CPD: variants seen among roughly 807,000 people sequenced by gnomAD.
CPD encodes the protein carboxypeptidase D, also known as metallocarboxypeptidase D.
A neutral mutation model predicts 138.3 loss-of-function variants in CPD; 69 were observed. The observed-to-expected ratio is 0.50, with a 90% CI of 0.41 to 0.61. CPD has a LOEUF of 0.61. Among genes scored for constraint, CPD ranks in the 20% least tolerant of loss-of-function variants. CPD has a pLI of 0.00. For missense variants in CPD, 1,432 were observed against 1,733.3 expected (o/e 0.83, Z 3.09); for synonymous variants, 651 against 642.1 (o/e 1.01, Z -0.21).
rs760976179 is a variant in CPD, at chr17:30,464,573, G to A, written c.3917-15G>A. 1 of 1,608,502 alleles carries A rather than the reference G, an allele frequency of 6.2e-7. No individual in the cohort carries two copies. The highest frequency in any genetic ancestry group is 1.1e-5 in the South Asian group (1 of 90,950). ...AAAGTATAATATCACCCACATGATG[G>A]TTTTTGTTTGTCAGGTGCTACTATG... is the stretch of plus-strand genomic sequence containing the variant. On this transcript the variant is annotated splice_polypyrimidine_tract_variant and intron_variant, in intron 20 of 20. Transcript: ENST00000225719.
chr17:30,446,379 A>G (rs866310613), intron 12 of CPD, among the ~76,000 whole-genome samples: 9 of 151,868 alleles, frequency 5.9e-5, no homozygotes, highest in African/African-American at 1.9e-4. Flanking sequence ...CCTGTGTCCA[A>G]GTGTTCTCAT....
At position 30,395,576 on chromosome 17, in the gene CPD, C is replaced by T. The variant is rs148905131; in HGVS notation, c.994+10340C>T. ...AGCAGTGCAGTTGTGTACTTTGTAA[C>T]GTGATAATAGGCCTAAATGAAGAGA... is the stretch of plus-strand genomic sequence containing the variant. On this transcript the variant is annotated intron_variant, in intron 2 of 20. Coordinates refer to ENST00000225719, the MANE Select transcript of CPD (RefSeq NM_001304.5). Among the ~76,000 whole-genome samples, 22 of 152,026 alleles carry T rather than the reference C, an allele frequency of 1.4e-4. No individual in the cohort carries two copies. In the East Asian group the frequency reaches 3.9e-3, roughly 27 times the overall value.
At chr17:30,411,654 A>G (rs1048833065) in intron 2 of CPD, among the ~76,000 whole-genome samples, 1 of 152,160 alleles carries the variant, frequency 6.6e-6, no homozygotes, top group Admixed American at 6.5e-5. Context: ...CGAATTGGCT[A>G]TTGAAGCTTG....
chr17:30,439,114 T>C lies in CPD; in HGVS notation c.2230+37T>C. 2.5e-6 allele frequency: 3 copies of C among 1,182,412 alleles called. No homozygotes were observed. The South Asian group carries it at 4.2e-5, about 16-fold the overall frequency. The allele number at this position is 1,182,412 out of a possible 1,614,324, so 73.2% of individuals were successfully genotyped here. ...TTTATATCAAGGCCTTACAACTTGATGGCCTTTCTGCTTTCCTAGATGGTG... is the reference window on the plus strand; with the variant it reads ...TTTATATCAAGGCCTTACAACTTGACGGCCTTTCTGCTTTCCTAGATGGTG... On this transcript the variant is annotated intron_variant, in intron 9 of 20. Coordinates refer to ENST00000225719, the MANE Select transcript of CPD (RefSeq NM_001304.5).
At chr17:30,436,627 G>A (rs1567878369) in intron 8 of CPD, among the ~76,000 whole-genome samples, 1 of 152,176 alleles carries the variant, frequency 6.6e-6, no homozygotes. Context: ...AATATGCATA[G>A]GCAAAGGTGG....
intron 18 of CPD, among the ~76,000 whole-genome samples, 188 bp from the exon 19 acceptor site, chr17:30,461,689 A>C (rs1298830808): frequency 1.3e-5 from 2 of 152,168 alleles, no homozygotes; most frequent in Non-Finnish European, 1.5e-5. Flanking sequence ...TATTGAATGA[A>C]TAGCAAACAA....
At position 30,379,644 on chromosome 17, in the gene CPD, G is replaced by T. The variant is rs973812729; in HGVS notation, c.664G>T (p.Asp222Tyr). ...CCGCGACCTCAACCGAAGCTTTCCC[G>T]ACCAGTTTAGCACCGGCGAACCCCC... ...RGRDLNRSFP[D>Y]QFSTGEPPAL... The change falls in exon 1 of 21, where the codon GAC becomes TAC. Residue 222 changes from aspartate to tyrosine, a missense_variant. Physicochemically the swap from Asp to Tyr is radical, Grantham distance 160. This residue lies in a region of CPD where 484 missense variants were observed against 477.2 expected (regional missense o/e 1.01). Coordinates refer to ENST00000225719, the MANE Select transcript of CPD (RefSeq NM_001304.5). This position sits in a 1 kb window ranked among gnomAD's most constrained non-coding sequence, Gnocchi z 7.0. 1 of 1,509,366 alleles carries T rather than the reference G, an allele frequency of 6.6e-7. No individual in the cohort carries two copies. The highest frequency in any genetic ancestry group is 1.2e-5 in the South Asian group (1 of 80,538). 93.5% of individuals were successfully genotyped at this position (1,509,366 alleles called of 1,614,324 possible).
intron 2 of CPD, among the ~76,000 whole-genome samples, chr17:30,395,042 G>C (rs769033578): frequency 2.6e-5 from 4 of 152,062 alleles, no homozygotes; most frequent in African/African-American, 4.8e-5. Context: ...GAGAGGTCAA[G>C]ATGAGAAAGA....
At position 30,402,873 on chromosome 17, in the gene CPD, G is replaced by A. The variant is rs567313232; in HGVS notation, c.994+17637G>A. On this transcript the variant is annotated intron_variant, in intron 2 of 20. Transcript: ENST00000225719. ...TATAATCCCAGCACTTTGAGAGGCC[G>A]AGGCGGGCAGATCACCTGAGGTCAA... 2.4e-4 allele frequency among the ~76,000 whole-genome samples: 37 copies of A among 152,032 alleles called. 1 individual carries two copies. Among genetic ancestry groups the A allele is most frequent in the South Asian group, 2.1e-3 (10 of 4,820 alleles).
chr17:30,386,914 T>C (rs1304007522), intron 2 of CPD, among the ~76,000 whole-genome samples: 6 of 152,212 alleles, frequency 3.9e-5, no homozygotes, highest in Non-Finnish European at 8.8e-5. Context: ...GTAATGAACG[T>C]TGGCGTTCAG....
At chr17:30,450,788 G>C (rs538705722) in intron 13 of CPD, among the ~76,000 whole-genome samples, 8 of 152,296 alleles carry the variant, frequency 5.3e-5, no homozygotes, top group African/African-American at 1.9e-4. Context: ...GAGCCTAGTA[G>C]GTCAAGACTG....
rs764732444 is a variant in CPD at position 30,446,005 on chromosome 17, T to C, written c.2858T>C (p.Ile953Thr). Reference protein sequence around the residue: ...LRGLVMNYPHITNLTNLGQST... With the variant: ...LRGLVMNYPHTTNLTNLGQST... ...GGACTTGTAATGAACTATCCACATA[T>C]TACAAATCTTACCAAGTAAGTGTCA... is the stretch of plus-strand genomic sequence containing the variant. Residue 953 changes from isoleucine to threonine, a missense_variant, in exon 12 of 21, where the codon ATT becomes ACT. Around this residue, in one of 6 missense-constraint regions of CPD, gnomAD observed 124 missense variants for 117.0 expected, o/e 1.06. Coordinates refer to ENST00000225719, the MANE Select transcript of CPD (RefSeq NM_001304.5). 4 of 1,593,964 alleles carry C rather than the reference T, an allele frequency of 2.5e-6. No individual in the cohort carries two copies. The highest frequency in any genetic ancestry group is 3.4e-6 in the Non-Finnish European group (4 of 1,171,078).
rs1913683372 is a variant in CPD, at chr17:30,467,789, T to C, written c.*2975T>C. On this transcript the variant is annotated 3_prime_UTR_variant, in exon 21 of 21. Coordinates refer to ENST00000225719, the MANE Select transcript of CPD (RefSeq NM_001304.5). ...ATTCTCAACATTAAATAGTTTTATC[T>C]TGTTGTTGCCAGAAATGCACTTGTG... 1 of 152,164 alleles carries C rather than the reference T, an allele frequency of 6.6e-6. No individual in the cohort carries two copies. The highest frequency in any genetic ancestry group is 6.5e-5 in the Admixed American group (1 of 15,268). 9.4% of individuals were successfully genotyped at this position (152,164 alleles called of 1,614,324 possible).
intron 6 of CPD, among the ~76,000 whole-genome samples, chr17:30,425,444 C>G (rs1370525184): frequency 6.6e-6 from 1 of 151,902 alleles, no homozygotes; most frequent in Non-Finnish European, 1.5e-5. Flanking sequence ...CATTTGAGAC[C>G]AGGAGTTCAA....
chr17:30,409,280 C>T (rs191130102), intron 2 of CPD, among the ~76,000 whole-genome samples: 33 of 152,176 alleles, frequency 2.2e-4, no homozygotes, highest in African/African-American at 7.2e-4. Context: ...TAAGGATTTT[C>T]GCATCGACAT....
chr17:30,378,988 G>T lies in CPD; in HGVS notation c.8G>T (p.Ser3Ile), dbSNP rs1343567610. MA[S>I]GRDERPPWRL... ...TAGCGGCGCTGCTGGAAGATGGCGAGCGGCCGGGACGAGCGGCCGCCTTGG... is the reference window on the plus strand; with the variant it reads ...TAGCGGCGCTGCTGGAAGATGGCGATCGGCCGGGACGAGCGGCCGCCTTGG... The change falls in exon 1 of 21, where the codon AGC (serine) becomes ATC (isoleucine). Residue 3 changes from serine (S) to isoleucine (I), a missense_variant. Ser to Ile is a moderately radical substitution (Grantham distance 142). Around this residue, in one of 6 missense-constraint regions of CPD, gnomAD observed 484 missense variants for 477.2 expected, o/e 1.01. Transcript: ENST00000225719. 7 of 1,534,268 alleles carry T rather than the reference G, an allele frequency of 4.6e-6. No individual in the cohort carries two copies. The highest frequency in any genetic ancestry group is 5.2e-6 in the Non-Finnish European group (6 of 1,151,684).
At chr17:30,424,005 T>A (rs1912337450) in intron 6 of CPD, among the ~76,000 whole-genome samples, 1 of 152,200 alleles carries the variant, frequency 6.6e-6, no homozygotes, top group South Asian at 2.1e-4. Context: ...TCAAACTCTG[T>A]AAAATATTTG....
chr17:30,401,630 C>T (rs1043679253), intron 2 of CPD, among the ~76,000 whole-genome samples: 2 of 152,042 alleles, frequency 1.3e-5, no homozygotes, highest in African/African-American at 2.4e-5. Flanking sequence ...ACTACAGGCA[C>T]GTGTCACAAC....
At chr17:30,399,951 A>C (rs966633708) in intron 2 of CPD, among the ~76,000 whole-genome samples, 2 of 152,144 alleles carry the variant, frequency 1.3e-5, no homozygotes, top group Non-Finnish European at 2.9e-5. Context: ...AGATTGTACC[A>C]CTGCACTCCA....
Sources: allele counts gnomAD v4.1 joint callset (sites outside exome capture counted in the v4.1 genomes callset), GRCh38; gene constraint gnomAD v4.1.1; regional missense constraint gnomAD v4.1.1; non-coding constraint Gnocchi (gnomAD v3.1); transcripts MANE v1.5; gene names NCBI Gene and HGNC (gene_info 2026-07-23, HGNC 2026-07-21).